Variants in EDN1 observed in about 807,000 individuals in gnomAD.
EDN1 encodes endothelin-1.
A neutral mutation model predicts 21.7 loss-of-function variants in EDN1; 11 were observed. That is an observed-to-expected ratio of 0.51 (90% CI 0.32 to 0.84). EDN1 has a LOEUF of 0.84. Ranked by LOEUF, EDN1 falls within the 40% of genes least tolerant of loss-of-function variation. The pLI, the probability that EDN1 is intolerant of heterozygous loss-of-function variation, is 0.03. For synonymous variants in EDN1, 85 were observed against 90.6 expected, an observed-to-expected ratio of 0.94 and a Z score of 0.35; for missense variants, 244 against 262.3, an observed-to-expected ratio of 0.93 and a Z score of 0.48.
chr6:12,277,907 T>A, the EDN1 span, among the ~76,000 whole-genome samples: 1 of 152,250 alleles, frequency 6.6e-6, no homozygotes, highest in African/African-American at 2.4e-5. Flanking sequence ...AGAACCCCTT[T>A]GGGATTAAGG....
chr6:12,294,526 A>G (rs1762772693), intron 4 of EDN1, 122 bp downstream of exon 4: 1 of 1,140,706 alleles, frequency 8.8e-7, no homozygotes, highest in East Asian at 2.4e-5. Flanking sequence ...CTTAGAAAAC[A>G]GTAGCAGAGG....
chr6:12,232,300 AATACAT>A, the EDN1 span, among the ~76,000 whole-genome samples: 2 of 151,068 alleles, frequency 1.3e-5, no homozygotes, highest in Admixed American at 1.3e-4. Flanking sequence ...AGTCTCTACC[AATACAT>A]ATATCTGATT....
At chr6:12,251,610 C>G in the EDN1 span, among the ~76,000 whole-genome samples, 1,730 of 152,244 alleles carry the variant, frequency 0.011, 27 homozygotes, top group African/African-American at 0.04. Context: ...AAACAAGAAA[C>G]AGCTTCCTGA....
chr6:12,270,663 AT>A, the EDN1 span, among the ~76,000 whole-genome samples: 9 of 151,990 alleles, frequency 5.9e-5, no homozygotes, highest in Non-Finnish European at 1.2e-4. Context: ...TGATTTAAAA[AT>A]TTTTTTTGAC....
chr6:12,286,529 C>A (rs1762560632), upstream of EDN1, among the ~76,000 whole-genome samples: 1 of 152,200 alleles, frequency 6.6e-6, no homozygotes, highest in South Asian at 2.1e-4. Context: ...TAAAATACTT[C>A]CTCATTCTTT....
chr6:12,276,346 A>T, the EDN1 span, among the ~76,000 whole-genome samples: 12 of 152,176 alleles, frequency 7.9e-5, no homozygotes, highest in Non-Finnish European at 1.6e-4. Flanking sequence ...TGGGAACTCC[A>T]CGTATGCTAT....
the EDN1 span, among the ~76,000 whole-genome samples, chr6:12,249,238 A>G: frequency 6.6e-6 from 1 of 152,184 alleles, no homozygotes; most frequent in East Asian, 1.9e-4. Context: ...TCAGATGGAA[A>G]GATGAGACAT....
the EDN1 span, among the ~76,000 whole-genome samples, chr6:12,239,888 G>A: frequency 6.6e-6 from 1 of 152,058 alleles, no homozygotes; most frequent in South Asian, 2.1e-4. Flanking sequence ...CAGCCTGGGT[G>A]TCTCAAAAAC....
chr6:12,239,754 CA>C, the EDN1 span, among the ~76,000 whole-genome samples: 1 of 151,850 alleles, frequency 6.6e-6, no homozygotes, highest in Non-Finnish European at 1.5e-5. Flanking sequence ...ACAAAAAATA[CA>C]AAAATTAGCT....
the EDN1 span, among the ~76,000 whole-genome samples, chr6:12,231,701 T>C: frequency 6.6e-6 from 1 of 152,130 alleles, no homozygotes; most frequent in Non-Finnish European, 1.5e-5. Flanking sequence ...AAAGACACTA[T>C]AACCCTGACA....
chr6:12,235,517 C>T, the EDN1 span, among the ~76,000 whole-genome samples: 10 of 152,208 alleles, frequency 6.6e-5, no homozygotes, highest in Admixed American at 2.6e-4. Flanking sequence ...CTGCCATGAA[C>T]GGTCTCCCCT....
chr6:12,257,782 C>T, the EDN1 span, among the ~76,000 whole-genome samples: 6 of 152,064 alleles, frequency 3.9e-5, no homozygotes, highest in Non-Finnish European at 7.4e-5. Context: ...ACCGGTTTGT[C>T]ATGCTTATAA....
the EDN1 span, among the ~76,000 whole-genome samples, chr6:12,257,582 G>C: frequency 6.6e-6 from 1 of 152,200 alleles, no homozygotes; most frequent in Non-Finnish European, 1.5e-5. Flanking sequence ...GAGTACACAT[G>C]ATGAAGGCCT....
the EDN1 span, among the ~76,000 whole-genome samples, chr6:12,233,937 G>A: frequency 6.6e-6 from 1 of 152,160 alleles, no homozygotes; most frequent in Non-Finnish European, 1.5e-5. Flanking sequence ...TTTACATAAT[G>A]CTGTAGGAAA....
intron 4 of EDN1, 38 bp downstream of exon 4, chr6:12,294,442 C>T (rs746380886): frequency 6.2e-7 from 1 of 1,612,530 alleles, no homozygotes; most frequent in Non-Finnish European, 8.5e-7. Context: ...AAGAGGTTCA[C>T]AAGAACAACT....
intron 4 of EDN1, among the ~76,000 whole-genome samples, chr6:12,294,806 C>T (rs1377646793): frequency 6.6e-6 from 1 of 151,568 alleles, no homozygotes; most frequent in Non-Finnish European, 1.5e-5. Flanking sequence ...ATCAAAGTGT[C>T]ATGGATAATC....
the EDN1 span, among the ~76,000 whole-genome samples, chr6:12,253,346 G>A: frequency 2.0e-5 from 3 of 152,212 alleles, no homozygotes; most frequent in African/African-American, 7.2e-5. Context: ...GATTACAACA[G>A]TAAATTAAAC....
chr6:12,283,278 T>C, the EDN1 span, among the ~76,000 whole-genome samples: 2 of 152,246 alleles, frequency 1.3e-5, no homozygotes, highest in African/African-American at 4.8e-5. Flanking sequence ...AAGAGAAATT[T>C]ACTTTTACTA....
At chr6:12,266,050 C>G in the EDN1 span, among the ~76,000 whole-genome samples, 1 of 152,096 alleles carries the variant, frequency 6.6e-6, no homozygotes, top group Admixed American at 6.6e-5. Flanking sequence ...CCTCTTAAGT[C>G]ATTGTTTCAG....
Sources: allele counts gnomAD v4.1 joint callset (sites outside exome capture counted in the v4.1 genomes callset), GRCh38; gene constraint gnomAD v4.1.1; transcripts MANE v1.5; gene names NCBI Gene and HGNC (gene_info 2026-07-23, HGNC 2026-07-21).